Variants in ACYP1 observed in about 807,000 individuals in gnomAD.
ACYP1 encodes the protein acylphosphatase-1.
Under a neutral mutation model 10.4 loss-of-function variants are expected in ACYP1, and 8 were observed. That is an observed-to-expected ratio of 0.77 (90% CI 0.45 to 1.38). The LOEUF (loss-of-function observed/expected upper bound fraction) is 1.38. ACYP1 is among the 40% of genes most tolerant of loss of function. The pLI is 0.00. For synonymous variants in ACYP1, 38 were observed against 40.8 expected, an observed-to-expected ratio of 0.93 and a Z score of 0.26; for missense variants, 93 against 117.3, an observed-to-expected ratio of 0.79 and a Z score of 0.96.
At chr14:75,061,134 A>G (rs1236917190) in intron 2 of ACYP1, among the ~76,000 whole-genome samples, 1 of 152,154 alleles carries the variant, frequency 6.6e-6, no homozygotes, top group Non-Finnish European at 1.5e-5. Context: ...AGAGACAGAA[A>G]GTAGGTTAGT....
chr14:75,054,835 G>A (rs989343267), intron 2 of ACYP1, among the ~76,000 whole-genome samples: 1 of 151,486 alleles, frequency 6.6e-6, no homozygotes, highest in African/African-American at 2.4e-5. Context: ...GCTGCTAAGT[G>A]CCAAAGAAGA....
At chr14:75,057,988 A>AAAAAAAAAAC (rs59726466) in intron 2 of ACYP1, among the ~76,000 whole-genome samples, 7 of 147,224 alleles carry the variant, frequency 4.8e-5, no homozygotes, top group African/African-American at 1.5e-4. Flanking sequence ...AAAAAAAAAA[A>AAAAAAAAAAC]GAACTACCTG....
Sources: gnomAD v4.1 joint callset for allele counts (sites outside exome capture counted in the v4.1 genomes callset) on GRCh38, gnomAD v4.1.1 for gene constraint, MANE v1.5 for transcripts, NCBI Gene and HGNC (gene_info 2026-07-23, HGNC 2026-07-21) for gene names.